Variants in CDH9 observed in about 807,000 individuals in gnomAD.
CDH9 encodes cadherin-9.
CDH9 carries 28 observed loss-of-function variants against 70.9 expected under a neutral mutation model. The observed-to-expected ratio is 0.40, with a 90% confidence interval of 0.29 to 0.54. The LOEUF (loss-of-function observed/expected upper bound fraction) is 0.54, where lower values mean the gene tolerates loss of function less well. Among genes scored for constraint, CDH9 ranks in the 20% least tolerant of loss-of-function variants. The probability of loss-of-function intolerance (pLI) is 0.59; values close to 1 mark genes in which losing one functional copy is unlikely to be tolerated. For synonymous variants in CDH9, 409 were observed against 343.1 expected (o/e 1.19, Z -2.12); for missense variants, 874 against 984.4 (o/e 0.89, Z 1.50).
At chr5:27,025,522 G>A (rs925305898) in intron 1 of CDH9, among the ~76,000 whole-genome samples, 5 of 152,012 alleles carry the variant, frequency 3.3e-5, no homozygotes, top group Admixed American at 6.6e-5. Flanking sequence ...AAGAGAAGCC[G>A]TAAAAGTACC....
intron 1 of CDH9, among the ~76,000 whole-genome samples, chr5:27,030,754 G>A (rs904076895): frequency 2.6e-5 from 4 of 151,464 alleles, no homozygotes; most frequent in Non-Finnish European, 4.4e-5. Flanking sequence ...AAATACAGAA[G>A]GAGATGAGTG....
chr5:26,997,104 G>GATATGTATAGA (rs1277799696), intron 1 of CDH9, among the ~76,000 whole-genome samples: 1 of 152,044 alleles, frequency 6.6e-6, no homozygotes, highest in East Asian at 1.9e-4. Flanking sequence ...TATAAAATAT[G>GATATGTATAGA]ATATGTATAG....
chr5:26,910,262 T>G (rs1258179038), intron 3 of CDH9, among the ~76,000 whole-genome samples: 1 of 150,310 alleles, frequency 6.7e-6, no homozygotes, highest in Non-Finnish European at 1.5e-5. Context: ...TATCTATCTA[T>G]CTGGCATTAA....
intron 1 of CDH9, among the ~76,000 whole-genome samples, chr5:27,013,832 G>A (rs904694288): frequency 3.3e-5 from 5 of 151,988 alleles, no homozygotes; most frequent in African/African-American, 1.2e-4. Context: ...ATTCACTCGA[G>A]GAAGGTCCTG....
chr5:26,902,700 A>G lies in CDH9; in HGVS notation c.1029T>C (p.Tyr343=), dbSNP rs903232830. 6.4e-7 allele frequency: 1 copy of G among 1,564,612 alleles called. No individual in the cohort carries two copies. Among genetic ancestry groups the G allele is most frequent in the South Asian group, 1.1e-5 (1 of 89,762 alleles). ...QNLDFENQML[Y]TLRVDASNTH... Reference sequence around the variant, plus strand: ...TGTTACTTGCATCCACTCTTAAAGTATAGAGCATTTGATTTTCAAAATCTA... The same window carrying G: ...TGTTACTTGCATCCACTCTTAAAGTGTAGAGCATTTGATTTTCAAAATCTA... The change falls in exon 7 of 12, where the codon TAT becomes TAC. Residue 343 remains tyrosine, a synonymous_variant. Coordinates refer to ENST00000231021, the MANE Select transcript of CDH9 (RefSeq NM_016279.4).
At chr5:26,941,582 C>T (rs566726789) in intron 2 of CDH9, among the ~76,000 whole-genome samples, 1 of 152,118 alleles carries the variant, frequency 6.6e-6, no homozygotes, top group Admixed American at 6.5e-5. Flanking sequence ...TCTGGGAGTT[C>T]ATTATGTTGA....
chr5:26,886,379 C>T (rs1256210615), intron 9 of CDH9, among the ~76,000 whole-genome samples: 1 of 151,996 alleles, frequency 6.6e-6, no homozygotes, highest in Non-Finnish European at 1.5e-5. Flanking sequence ...CCCTCCAATA[C>T]CTATCCTCTT....
At chr5:27,028,937 G>T (rs1350228803) in intron 1 of CDH9, among the ~76,000 whole-genome samples, 1 of 151,870 alleles carries the variant, frequency 6.6e-6, no homozygotes. Flanking sequence ...AATAGTTAAA[G>T]GAATTGTTGG....
chr5:26,892,253 A>T (rs1740672805), intron 7 of CDH9, among the ~76,000 whole-genome samples: 1 of 152,200 alleles, frequency 6.6e-6, no homozygotes. Flanking sequence ...TTTCTGTTGC[A>T]GTCTTTAATT....
intron 2 of CDH9, among the ~76,000 whole-genome samples, chr5:26,974,992 C>T (rs1742281399): frequency 6.6e-6 from 1 of 152,102 alleles, no homozygotes; most frequent in African/African-American, 2.4e-5. Flanking sequence ...CCATTTTCCC[C>T]ACCCTTAGCC....
chr5:27,011,701 T>C (rs1212319013), intron 1 of CDH9, among the ~76,000 whole-genome samples: 2 of 151,964 alleles, frequency 1.3e-5, no homozygotes, highest in Non-Finnish European at 2.9e-5. Context: ...AGGTAAGAGA[T>C]TTTTCAGCTA....
At chr5:26,927,504 G>T (rs1232038437) in intron 2 of CDH9, among the ~76,000 whole-genome samples, 2 of 151,980 alleles carry the variant, frequency 1.3e-5, no homozygotes, top group Non-Finnish European at 2.9e-5. Flanking sequence ...ATTTGGAATG[G>T]ACTTAGACCT....
intron 1 of CDH9, among the ~76,000 whole-genome samples, chr5:27,028,897 T>A (rs1743264992): frequency 6.6e-6 from 1 of 152,044 alleles, no homozygotes; most frequent in South Asian, 2.1e-4. Flanking sequence ...AGATCCTTAC[T>A]TGACAAAATT....
intron 2 of CDH9, among the ~76,000 whole-genome samples, chr5:26,972,226 T>C (rs1742232143): frequency 6.6e-6 from 1 of 152,038 alleles, no homozygotes; most frequent in Non-Finnish European, 1.5e-5. Context: ...GGGTCTAATA[T>C]AAGAAAGTCA....
rs1044421523 is a variant in CDH9, at chr5:26,933,116, T to A, written c.229-17192A>T. ...TATTTATATTATACAAATATAATTT[T>A]AAAAATATAAATATAGTTATATTTA... is the stretch of plus-strand genomic sequence containing the variant. On this transcript the variant is annotated intron_variant, in intron 2 of 11. Coordinates refer to ENST00000231021, the MANE Select transcript of CDH9 (RefSeq NM_016279.4). Among the ~76,000 whole-genome samples the A allele has an allele frequency of 6.1e-5, 9 of 147,412 alleles. No individual in the cohort carries two copies. In the South Asian group the frequency reaches 1.9e-3, roughly 31 times the overall value.
intron 7 of CDH9, among the ~76,000 whole-genome samples, chr5:26,895,543 T>C (rs997849325): frequency 6.6e-6 from 1 of 152,032 alleles, no homozygotes; most frequent in Admixed American, 6.6e-5. Context: ...TTAAAAATCA[T>C]TGAACTTTAA....
In CDH9 at chr5:26,981,186, A is replaced by G. The variant is rs148670506; in HGVS notation, c.228+6920T>C. Among the ~76,000 whole-genome samples, 38 of 152,240 alleles carry G rather than the reference A, an allele frequency of 2.5e-4. No homozygotes were observed. The East Asian group carries it at 7.1e-3, about 29-fold the overall frequency. On this transcript the variant is annotated intron_variant, in intron 2 of 11. Coordinates refer to ENST00000231021, the MANE Select transcript of CDH9 (RefSeq NM_016279.4). ...CCAGTAATCTAGCCTTAAAAAGGAT[A>G]ATTTATAATACATAATCATCCCTCG...
intron 3 of CDH9, among the ~76,000 whole-genome samples, chr5:26,909,806 A>G (rs1169616528): frequency 6.6e-6 from 1 of 151,994 alleles, no homozygotes; most frequent in Non-Finnish European, 1.5e-5. Flanking sequence ...TCTTTAGGAA[A>G]ATTTCAAAGA....
intron 7 of CDH9, among the ~76,000 whole-genome samples, chr5:26,894,346 C>T (rs1364616227): frequency 6.6e-6 from 1 of 152,064 alleles, no homozygotes; most frequent in Admixed American, 6.6e-5. Flanking sequence ...CTAACAATTG[C>T]AACATGATAA....
Sources: gnomAD v4.1 joint callset for allele counts (sites outside exome capture counted in the v4.1 genomes callset) on GRCh38, gnomAD v4.1.1 for gene constraint, MANE v1.5 for transcripts, NCBI Gene and HGNC (gene_info 2026-07-23, HGNC 2026-07-21) for gene names.